The following ROBO2 variants were observed in gnomAD, a reference collection of about 807,000 sequenced individuals.
ROBO2 encodes the protein roundabout homolog 2.
In ROBO2, 53 loss-of-function variants were observed where a neutral mutation model predicts 160.8. The ratio of observed to expected loss-of-function variants is 0.33; its 90% CI spans 0.26 to 0.41. The LOEUF (loss-of-function observed/expected upper bound fraction) is 0.41, where lower values mean the gene tolerates loss of function less well. Ranked by LOEUF, ROBO2 falls within the 10% of genes least tolerant of loss-of-function variation. The probability of loss-of-function intolerance (pLI) is 1.00; values close to 1 mark genes in which losing one functional copy is unlikely to be tolerated. For missense variants in ROBO2, 1,577 were observed against 1,722.4 expected (o/e 0.92, Z 1.49); for synonymous variants, 664 against 611.7 (o/e 1.09, Z -1.26).
At chr3:76,746,054 A>T (rs1466559431) in intron 2 of ROBO2, among the ~76,000 whole-genome samples, 2 of 144,854 alleles carry the variant, frequency 1.4e-5, no homozygotes, top group Non-Finnish European at 3.0e-5. Flanking sequence ...TCATTGTTCA[A>T]ATCCCACCTA....
chr3:76,025,367 G>C (rs1268217649), intron 2 of ROBO2, among the ~76,000 whole-genome samples: 1 of 151,646 alleles, frequency 6.6e-6, no homozygotes, highest in Admixed American at 6.6e-5. Context: ...TAGAGAAGGG[G>C]AGAGATTGAT....
At chr3:76,446,200 TAC>T (rs1316369035) in intron 2 of ROBO2, among the ~76,000 whole-genome samples, 1 of 152,126 alleles carries the variant, frequency 6.6e-6, no homozygotes, top group Non-Finnish European at 1.5e-5. Flanking sequence ...AGTCTCAGGA[TAC>T]AAAATCAATG....
chr3:76,437,076 C>G (rs947929910), intron 2 of ROBO2, among the ~76,000 whole-genome samples: 1 of 152,046 alleles, frequency 6.6e-6, no homozygotes, highest in African/African-American at 2.4e-5. Context: ...AATCTTTGCC[C>G]AAGACTATAT....
In ROBO2 at chr3:76,257,520, A is replaced by G. The variant is rs1373037219; in HGVS notation, c.109+319918A>G. On this transcript the variant is annotated intron_variant, in intron 2 of 26. Transcript: ENST00000487694. ...GATTCTCCCAAATTGTGAGGATTCC[A>G]AGGAAATTGCCACCAAATGCATAGT... Among the ~76,000 whole-genome samples the G allele has an allele frequency of 3.9e-5, 6 of 152,200 alleles. 1 individual carries two copies. Among genetic ancestry groups the G allele is most frequent in the Admixed American group, 1.3e-4 (2 of 15,270 alleles).
chr3:76,161,052 G>A (rs1231330490), intron 2 of ROBO2, among the ~76,000 whole-genome samples: 1 of 151,912 alleles, frequency 6.6e-6, no homozygotes, highest in East Asian at 1.9e-4. Context: ...ACACACTAAA[G>A]CTTGTATTTC....
intron 2 of ROBO2, among the ~76,000 whole-genome samples, chr3:77,357,833 T>C (rs931131539): frequency 6.6e-6 from 1 of 152,100 alleles, no homozygotes; most frequent in East Asian, 1.9e-4. Context: ...GTTTAAGGGA[T>C]AGAAGAAAAA....
chr3:76,619,158 G>A (rs2088848717), intron 2 of ROBO2, among the ~76,000 whole-genome samples: 1 of 151,528 alleles, frequency 6.6e-6, no homozygotes, highest in African/African-American at 2.4e-5. Context: ...GGCTAACACG[G>A]TGAAACCCCG....
At chr3:77,347,659 A>G (rs1412860670) in intron 2 of ROBO2, among the ~76,000 whole-genome samples, 1 of 152,116 alleles carries the variant, frequency 6.6e-6, no homozygotes, top group Non-Finnish European at 1.5e-5. Context: ...ACTAATTATG[A>G]TGGCCTTGTT....
At chr3:76,556,424 T>G (rs2083794345) in intron 2 of ROBO2, among the ~76,000 whole-genome samples, 1 of 151,602 alleles carries the variant, frequency 6.6e-6, no homozygotes, top group Admixed American at 6.6e-5. Flanking sequence ...GCATAAAGAG[T>G]GGAGGTTGTA....
chr3:76,779,076 T>G lies in ROBO2; in HGVS notation c.110-318938T>G, dbSNP rs918892593. Among the ~76,000 whole-genome samples, 6 of 150,992 alleles carry G rather than the reference T, an allele frequency of 4.0e-5. 2 individuals are homozygous for G. The highest frequency in any genetic ancestry group is 7.4e-5 in the Non-Finnish European group (5 of 67,346). On this transcript the variant is annotated intron_variant, in intron 2 of 26. Coordinates refer to the ROBO2 transcript ENST00000487694. ...ATCTCTACCTCTCATCCAGGCTGAA[T>G]CCTAAGAAAAGACACCAAAGTGTTC...
At chr3:76,523,477 G>C (rs2081754251) in intron 2 of ROBO2, among the ~76,000 whole-genome samples, 1 of 152,006 alleles carries the variant, frequency 6.6e-6, no homozygotes, top group Admixed American at 6.6e-5. Context: ...GATAAGCTTA[G>C]TAACTAGCCC....
In ROBO2 at chr3:76,322,163, C is replaced by CATATATATAT. The variant is rs1559761091; in HGVS notation, c.109+384561_109+384562insATATATATAT. 9.2e-4 allele frequency among the ~76,000 whole-genome samples: 37 copies of CATATATATAT among 40,160 alleles called. 1 individual carries two copies. Among genetic ancestry groups the CATATATATAT allele is most frequent in the South Asian group, 2.6e-3 (2 of 780 alleles). 26.3% of individuals were successfully genotyped at this position (40,160 alleles called of 152,430 possible). The stretch of plus-strand genomic sequence containing the variant: ...TATTTGAAATGATTTCTACTTCTTC[C>CATATATATAT]GTATATATATATATATATATATATA... On this transcript the variant is annotated intron_variant, in intron 2 of 26. Coordinates refer to the ROBO2 transcript ENST00000487694.
chr3:76,794,605 A>G (rs2063570005), intron 2 of ROBO2, among the ~76,000 whole-genome samples: 1 of 151,966 alleles, frequency 6.6e-6, no homozygotes, highest in African/African-American at 2.4e-5. Context: ...ATACTGTTTT[A>G]AGCCATTTTT....
At chr3:77,645,976 C>T in intron 25 of ROBO2, 78 bp from the exon 28 acceptor site, 1 of 1,013,462 alleles carries the variant, frequency 9.9e-7, no homozygotes, top group Non-Finnish European at 1.5e-6. Context: ...TATCTGTTGG[C>T]TTTGCTTTTT....
intron 2 of ROBO2, among the ~76,000 whole-genome samples, chr3:77,029,197 G>A (rs2063162515): frequency 6.6e-6 from 1 of 152,082 alleles, no homozygotes; most frequent in Non-Finnish European, 1.5e-5. Flanking sequence ...ATGTGTGTGT[G>A]TATTTATCAG....
intron 2 of ROBO2, among the ~76,000 whole-genome samples, chr3:76,337,330 C>A (rs1056530626): frequency 6.6e-6 from 1 of 152,112 alleles, no homozygotes; most frequent in Non-Finnish European, 1.5e-5. Context: ...AATACGTAAA[C>A]ACTATTGGTA....
intron 2 of ROBO2, among the ~76,000 whole-genome samples, chr3:76,251,196 T>G (rs1705972920): frequency 1.3e-5 from 2 of 151,918 alleles, no homozygotes; most frequent in South Asian, 4.1e-4. Flanking sequence ...AAATTTGTCA[T>G]CAGGGTGCAA....
At chr3:76,411,584 T>C (rs1462920017) in intron 2 of ROBO2, among the ~76,000 whole-genome samples, 1 of 152,128 alleles carries the variant, frequency 6.6e-6, no homozygotes. Flanking sequence ...AATGCCTTGC[T>C]ATAGGGAAGA....
chr3:76,141,177 A>ATATATATATATATATATATATG (rs1352311949), intron 2 of ROBO2, among the ~76,000 whole-genome samples: 4 of 103,224 alleles, frequency 3.9e-5, no homozygotes, highest in African/African-American at 1.1e-4. Flanking sequence ...ATATATATAT[A>ATATATATATATATATATATATG]TATATATATA....
Sources: allele counts gnomAD v4.1 joint callset (sites outside exome capture counted in the v4.1 genomes callset), GRCh38; gene constraint gnomAD v4.1.1; transcripts MANE v1.5; gene names NCBI Gene and HGNC (gene_info 2026-07-23, HGNC 2026-07-21).